The following DAB1 variants were observed in gnomAD, a reference collection of about 807,000 sequenced individuals.
DAB1 encodes the protein disabled homolog 1.
In DAB1, 15 loss-of-function variants were observed where a neutral mutation model predicts 64.6. The ratio of observed to expected loss-of-function variants is 0.23; its 90% CI spans 0.16 to 0.36. The LOEUF (loss-of-function observed/expected upper bound fraction) is 0.36, where lower values mean the gene tolerates loss of function less well. Among genes scored for constraint, DAB1 ranks in the 10% least tolerant of loss-of-function variants. The pLI, the probability that DAB1 is intolerant of heterozygous loss-of-function variation, is 1.00. For synonymous variants in DAB1, 235 were observed against 251.9 expected, an observed-to-expected ratio of 0.93 and a Z score of 0.64; for missense variants, 596 against 706.7, an observed-to-expected ratio of 0.84 and a Z score of 1.78.
intron 2 of DAB1, among the ~76,000 whole-genome samples, chr1:57,244,325 A>G (rs1230026448): frequency 6.6e-6 from 1 of 152,266 alleles, no homozygotes; most frequent in African/African-American, 2.4e-5. Context: ...TAATGGCCAC[A>G]GTAAATATCA....
chr1:57,292,366 T>C (rs1463000206), intron 1 of DAB1, among the ~76,000 whole-genome samples: 1 of 152,218 alleles, frequency 6.6e-6, no homozygotes, highest in Non-Finnish European at 1.5e-5. Flanking sequence ...AAGCTACCTA[T>C]TTTTTAAAAA....
chr1:57,766,114 C>A (rs565040830), intron 6 of DAB1, among the ~76,000 whole-genome samples: 118 of 152,138 alleles, frequency 7.8e-4, no homozygotes, highest in South Asian at 3.5e-3. Flanking sequence ...AAATTTGTCA[C>A]CTCTGTCATC....
intron 1 of DAB1, among the ~76,000 whole-genome samples, chr1:57,333,524 A>G (rs1676847993): frequency 6.6e-6 from 1 of 152,254 alleles, no homozygotes; most frequent in South Asian, 2.1e-4. Flanking sequence ...CCTCGCTTGC[A>G]TTGCTTGCAA....
At chr1:58,481,171 G>T (rs773157528) in intron 3 of DAB1, 1 of 834,076 alleles carries the variant, frequency 1.2e-6, no homozygotes, top group South Asian at 1.5e-5. Context: ...CTAATTTTGA[G>T]AGCCTATAAA....
At chr1:57,020,173 T>A (rs706355) in intron 11 of DAB1, among the ~76,000 whole-genome samples, 6,698 of 152,250 alleles carry the variant, frequency 0.044, 152 homozygotes, top group African/African-American at 0.064. Context: ...TCCACAAGCC[T>A]CTGGGGTGAG....
intron 4 of DAB1, among the ~76,000 whole-genome samples, chr1:58,215,464 T>G (rs149179804): frequency 1.3e-5 from 2 of 152,156 alleles, no homozygotes; most frequent in East Asian, 3.9e-4. Flanking sequence ...ATGTATTAGA[T>G]GTTCACTGTC....
intron 6 of DAB1, among the ~76,000 whole-genome samples, chr1:57,655,098 T>C (rs545524139): frequency 2.2e-4 from 34 of 152,330 alleles, no homozygotes; most frequent in Middle Eastern, 3.4e-3. Flanking sequence ...CCACTAGTTT[T>C]CTATTCCTGT....
chr1:58,328,758 ACCGTGCCT>A (rs1164667999), intron 4 of DAB1, among the ~76,000 whole-genome samples: 1 of 152,084 alleles, frequency 6.6e-6, no homozygotes, highest in Non-Finnish European at 1.5e-5. Flanking sequence ...GGCACCTGCC[ACCGTGCCT>A]GGCTAATTTT....
rs3131733 is a variant in DAB1, at chr1:57,743,262, C to G, written n.552-93597G>C. Among the ~76,000 whole-genome samples, 3 of 151,944 alleles carry G rather than the reference C, an allele frequency of 2.0e-5. No homozygotes were observed. In the South Asian group the frequency reaches 6.2e-4, roughly 31 times the overall value. ...GCCTTAACTGATGACATTCCACCAT[C>G]GTGATTTGTTTCTGCCCCACCCTAA... On this transcript the variant is annotated intron_variant and non_coding_transcript_variant, in intron 6 of 20. Coordinates refer to the DAB1 transcript ENST00000485760.
intron 4 of DAB1, among the ~76,000 whole-genome samples, chr1:58,222,004 C>A (rs1424025191): frequency 6.6e-6 from 1 of 152,124 alleles, no homozygotes; most frequent in African/African-American, 2.4e-5. Flanking sequence ...ATGAAGAAGC[C>A]ATATCTGGAA....
intron 2 of DAB1, among the ~76,000 whole-genome samples, chr1:57,257,415 T>A (rs535266303): frequency 3.3e-4 from 51 of 152,330 alleles, no homozygotes; most frequent in African/African-American, 1.2e-3. Context: ...TTTGTAAGTA[T>A]CTATGGTGGA....
intron 3 of DAB1, among the ~76,000 whole-genome samples, chr1:58,372,435 T>G (rs1394475420): frequency 6.6e-6 from 1 of 152,172 alleles, no homozygotes; most frequent in Admixed American, 6.5e-5. Context: ...GCTTTTGATT[T>G]TACAGGCTCA....
intron 1 of DAB1, among the ~76,000 whole-genome samples, chr1:57,372,521 C>T (rs1051603297): frequency 6.6e-6 from 1 of 152,176 alleles, no homozygotes; most frequent in Admixed American, 6.6e-5. Context: ...AGGCCCAACT[C>T]ATATTTATAA....
intron 3 of DAB1, among the ~76,000 whole-genome samples, chr1:58,437,135 G>A (rs941202237): frequency 6.6e-6 from 1 of 152,166 alleles, no homozygotes; most frequent in Non-Finnish European, 1.5e-5. Flanking sequence ...CCACCTCAGA[G>A]AATAGTTGTC....
At position 57,087,168 on chromosome 1, in the gene DAB1, G is replaced by A. The variant is rs530017664; in HGVS notation, c.307-14754C>T. On this transcript the variant is annotated intron_variant, in intron 4 of 14. Transcript: ENST00000371236. Reference sequence around the variant, plus strand: ...AAAGCTTGCTGTGGGTTGCATGCCAGAAAGGCACAGGGCATAGAAAACACA... The same window carrying A: ...AAAGCTTGCTGTGGGTTGCATGCCAAAAAGGCACAGGGCATAGAAAACACA... Among the ~76,000 whole-genome samples the A allele has an allele frequency of 4.1e-4, 63 of 152,334 alleles. 2 individuals are homozygous for A. In the East Asian group the frequency reaches 0.012, roughly 28 times the overall value.
At chr1:58,173,182 A>G (rs1017983083) in intron 4 of DAB1, among the ~76,000 whole-genome samples, 4 of 152,340 alleles carry the variant, frequency 2.6e-5, no homozygotes, top group African/African-American at 9.6e-5. Flanking sequence ...CCCAACTGAA[A>G]CAGAATGGGG....
intron 6 of DAB1, among the ~76,000 whole-genome samples, chr1:57,759,427 TAC>T (rs1648966866): frequency 6.6e-6 from 1 of 152,236 alleles, no homozygotes; most frequent in Non-Finnish European, 1.5e-5. Context: ...TATTATCATA[TAC>T]AGTCAATAAA....
intron 6 of DAB1, among the ~76,000 whole-genome samples, chr1:57,775,765 T>C (rs723572): frequency 0.38 from 58,181 of 151,304 alleles, 11,673 homozygotes; most frequent in East Asian, 0.62. Flanking sequence ...GATTTTTTTA[T>C]CTATTTATCT....
At chr1:58,489,892 G>A (rs1329966459) in intron 3 of DAB1, among the ~76,000 whole-genome samples, 4 of 152,220 alleles carry the variant, frequency 2.6e-5, no homozygotes, top group African/African-American at 9.6e-5. Flanking sequence ...CTGACTGTTA[G>A]AAGGAAAACT....
Sources: gnomAD v4.1 joint callset for allele counts (sites outside exome capture counted in the v4.1 genomes callset) on GRCh38, gnomAD v4.1.1 for gene constraint, MANE v1.5 for transcripts, NCBI Gene and HGNC (gene_info 2026-07-23, HGNC 2026-07-21) for gene names.